The following ATP9B variants were observed in gnomAD, a reference collection of about 807,000 sequenced individuals.
ATP9B encodes the protein probable phospholipid-transporting ATPase IIB.
Under a neutral mutation model 146.1 loss-of-function variants are expected in ATP9B, and 110 were observed. The ratio of observed to expected loss-of-function variants is 0.75; its 90% CI spans 0.65 to 0.88. ATP9B has a LOEUF of 0.88. Ranked by LOEUF, ATP9B falls within the 40% of genes least tolerant of loss-of-function variation. The pLI, the probability that ATP9B is intolerant of heterozygous loss-of-function variation, is 0.00. For missense variants in ATP9B, 1,499 were observed against 1,496.4 expected, an observed-to-expected ratio of 1.00 and a Z score of -0.03; for synonymous variants, 604 against 569.7, an observed-to-expected ratio of 1.06 and a Z score of -0.86.
intron 9 of ATP9B, among the ~76,000 whole-genome samples, chr18:79,199,382 C>A (rs1475671777): frequency 6.6e-6 from 1 of 152,176 alleles, no homozygotes; most frequent in Non-Finnish European, 1.5e-5. Context: ...CATTGTACAC[C>A]TGTACAAAAA....
intron 2 of ATP9B, among the ~76,000 whole-genome samples, chr18:79,109,643 G>A (rs1201669600): frequency 6.7e-6 from 1 of 149,374 alleles, no homozygotes; most frequent in Non-Finnish European, 1.5e-5. Context: ...TTGGCTCACT[G>A]CAATCTCTGC....
chr18:79,266,108 A>G (rs1287173234), intron 12 of ATP9B, among the ~76,000 whole-genome samples: 1 of 151,990 alleles, frequency 6.6e-6, no homozygotes, highest in Admixed American at 6.6e-5. Flanking sequence ...TGTTCTTTAA[A>G]GAGTGTTTTA....
chr18:79,099,845 G>C (rs548011665), intron 2 of ATP9B, among the ~76,000 whole-genome samples: 463 of 151,996 alleles, frequency 3.0e-3, no homozygotes, highest in Middle Eastern at 6.8e-3. Context: ...TTAAAAAATG[G>C]GCCAGGTGCA....
rs767739593 is a variant in ATP9B at position 79,213,987 on chromosome 18, T to C, written c.1056T>C (p.Tyr352=). ...GTACTGTAATAGGTGTTGTCATTTA[T>C]ACCGGAAAAGAGACTCGAAGTGTAA... ...ASGTVIGVVI[Y]TGKETRSVMN... Residue 352 remains tyrosine, a synonymous_variant, in exon 11 of 30, where the codon TAT becomes TAC. Transcript: ENST00000426216. 6.2e-7 allele frequency: 1 copy of C among 1,607,118 alleles called. No individual in the cohort carries two copies. The highest frequency in any genetic ancestry group is 2.2e-5 in the East Asian group (1 of 44,476).
chr18:79,170,179 C>G (rs1274543616), intron 7 of ATP9B, among the ~76,000 whole-genome samples: 1 of 152,188 alleles, frequency 6.6e-6, no homozygotes, highest in African/African-American at 2.4e-5. Context: ...TTTCATTCAC[C>G]GGCTCTGTCC....
At chr18:79,157,413 A>AAAACAAACAAAC (rs1555714830) in intron 7 of ATP9B, among the ~76,000 whole-genome samples, 2 of 150,146 alleles carry the variant, frequency 1.3e-5, no homozygotes, top group Non-Finnish European at 3.0e-5. Context: ...AAAAAAAAAA[A>AAAACAAACAAAC]AAAAAAAAAA....
intron 20 of ATP9B, 82 bp downstream of exon 20, chr18:79,342,448 A>G (rs1600194413): frequency 1.1e-6 from 1 of 921,740 alleles, no homozygotes; most frequent in South Asian, 1.7e-5. Flanking sequence ...CAGAATATAT[A>G]TTTATTAATC....
intron 8 of ATP9B, among the ~76,000 whole-genome samples, chr18:79,190,009 G>A (rs1377572145): frequency 1.3e-5 from 2 of 152,178 alleles, no homozygotes; most frequent in African/African-American, 2.4e-5. Context: ...GTGCCGCACC[G>A]CATTTCCAGC....
In ATP9B at chr18:79,277,086, T is replaced by A; in HGVS notation, c.1301T>A (p.Val434Glu). ...LRVNLDMGKAVYGWMMMKDEN... is the reference protein window; with the variant it reads ...LRVNLDMGKAEYGWMMMKDEN... The stretch of plus-strand genomic sequence containing the variant: ...GTGAACTTGGACATGGGCAAAGCGG[T>A]GTATGGATGGATGATGATGAAAGAT... Residue 434 changes from valine to glutamate, a missense_variant, in exon 13 of 30, where the codon GTG becomes GAG. Physicochemically the swap from Val to Glu is moderately radical, Grantham distance 121. Coordinates refer to ENST00000426216, the MANE Select transcript of ATP9B (RefSeq NM_198531.5). The A allele has an allele frequency of 3.7e-6, 6 of 1,614,122 alleles. No individual in the cohort carries two copies. The highest frequency in any genetic ancestry group is 5.1e-6 in the Non-Finnish European group (6 of 1,180,028).
At chr18:79,149,425 A>G (rs765597236) in intron 6 of ATP9B, among the ~76,000 whole-genome samples, 2 of 151,480 alleles carry the variant, frequency 1.3e-5, no homozygotes, top group East Asian at 3.8e-4. Context: ...CCTGAGGTTT[A>G]AAAAAAAAGA....
chr18:79,144,695 C>T (rs762513429), intron 6 of ATP9B: 46 of 152,348 alleles, frequency 3.0e-4, no homozygotes, highest in Non-Finnish European at 6.4e-4. Flanking sequence ...AATGCAAATG[C>T]TATCTAAATA....
intron 12 of ATP9B, among the ~76,000 whole-genome samples, chr18:79,258,182 A>C (rs1259493314): frequency 2.0e-5 from 3 of 152,232 alleles, no homozygotes; most frequent in Non-Finnish European, 4.4e-5. Flanking sequence ...AGTAAAACAA[A>C]ATAGAAAATA....
At chr18:79,294,497 C>T (rs1277853196) in intron 13 of ATP9B, among the ~76,000 whole-genome samples, 1 of 152,202 alleles carries the variant, frequency 6.6e-6, no homozygotes, top group Non-Finnish European at 1.5e-5. Flanking sequence ...TGGCCAAGTA[C>T]AGATTGTGGG....
rs757664989 is a variant in ATP9B, at chr18:79,377,387, G to A, written c.*4G>A. On this transcript the variant is annotated 3_prime_UTR_variant, in exon 30 of 30. Transcript: ENST00000426216. ...CTACTGCAAGCTGGCCTCCTAAGGGGCTGTGCACCCCCAGCGGGCTGGCCC... is the reference window on the plus strand; with the variant it reads ...CTACTGCAAGCTGGCCTCCTAAGGGACTGTGCACCCCCAGCGGGCTGGCCC... 5 of 1,606,442 alleles carry A rather than the reference G, an allele frequency of 3.1e-6. No homozygotes were observed. The Admixed American group carries it at 8.3e-5, about 27-fold the overall frequency.
chr18:79,246,768 G>GT (rs1260531956), intron 11 of ATP9B, among the ~76,000 whole-genome samples: 6 of 152,174 alleles, frequency 3.9e-5, no homozygotes, highest in African/African-American at 1.4e-4. Flanking sequence ...TATGGGAGGT[G>GT]TGAGTACGAC....
intron 12 of ATP9B, among the ~76,000 whole-genome samples, chr18:79,271,166 A>T (rs999766321): frequency 3.3e-5 from 5 of 152,216 alleles, no homozygotes; most frequent in African/African-American, 1.2e-4. Context: ...ACTCAGAAAC[A>T]TTATAATGGG....
intron 11 of ATP9B, among the ~76,000 whole-genome samples, chr18:79,235,038 A>G (rs1439827450): frequency 6.6e-6 from 1 of 151,784 alleles, no homozygotes; most frequent in Non-Finnish European, 1.5e-5. Context: ...ATGCCTGGCT[A>G]ATTTTTATAT....
At chr18:79,350,902 G>A (rs1445622603) in intron 25 of ATP9B, among the ~76,000 whole-genome samples, 1 of 151,880 alleles carries the variant, frequency 6.6e-6, no homozygotes, top group Non-Finnish European at 1.5e-5. Flanking sequence ...CCAAGTAGCT[G>A]GGATTGCAGG....
intron 11 of ATP9B, among the ~76,000 whole-genome samples, chr18:79,233,148 C>A (rs2095808011): frequency 6.6e-6 from 1 of 151,722 alleles, no homozygotes. Flanking sequence ...AAAAATTAGC[C>A]AGGTGAAGTG....
Sources: gnomAD v4.1 joint callset for allele counts (sites outside exome capture counted in the v4.1 genomes callset) on GRCh38, gnomAD v4.1.1 for gene constraint, MANE v1.5 for transcripts, NCBI Gene and HGNC (gene_info 2026-07-23, HGNC 2026-07-21) for gene names.